The following SOX5 variants were observed in gnomAD, a reference collection of about 807,000 sequenced individuals.
The protein encoded by SOX5 is SRY-box transcription factor 5, also known as transcription factor SOX-5.
A neutral mutation model predicts 92.0 loss-of-function variants in SOX5; 9 were observed. The ratio of observed to expected loss-of-function variants is 0.10; its 90% CI spans 0.06 to 0.17. The LOEUF (loss-of-function observed/expected upper bound fraction) is 0.17. SOX5 is among the 10% of genes least tolerant of loss of function. SOX5 has a pLI of 1.00. For missense variants in SOX5, 642 were observed against 944.5 expected, an observed-to-expected ratio of 0.68 and a Z score of 4.20; for synonymous variants, 344 against 336.3, an observed-to-expected ratio of 1.02 and a Z score of -0.25.
At chr12:24,222,567 C>T (rs1960736068) in intron 3 of SOX5, among the ~76,000 whole-genome samples, 1 of 152,070 alleles carries the variant, frequency 6.6e-6, no homozygotes, top group African/African-American at 2.4e-5. Flanking sequence ...TTCATCAAGG[C>T]ACGTTACAAA....
At chr12:24,353,394 C>T (rs1360957290) in intron 2 of SOX5, among the ~76,000 whole-genome samples, 1 of 152,080 alleles carries the variant, frequency 6.6e-6, no homozygotes, top group African/African-American at 2.4e-5. Context: ...ACACTTTTTT[C>T]AAGAGTGAAG....
chr12:23,577,144 T>TAC (rs1949246393), intron 9 of SOX5, among the ~76,000 whole-genome samples: 1 of 114,748 alleles, frequency 8.7e-6, no homozygotes, highest in Non-Finnish European at 1.8e-5. Context: ...AGTTTATATA[T>TAC]ATATATACAC....
chr12:23,626,225 T>C (rs747410604), intron 8 of SOX5, among the ~76,000 whole-genome samples: 3 of 152,132 alleles, frequency 2.0e-5, no homozygotes, highest in African/African-American at 4.8e-5. Context: ...GTATATGGTG[T>C]CCATCTAGTT....
intron 1 of SOX5, among the ~76,000 whole-genome samples, chr12:23,946,048 G>T (rs572476007): frequency 5.3e-5 from 8 of 152,170 alleles, no homozygotes; most frequent in African/African-American, 1.9e-4. Flanking sequence ...ACACTGAAAA[G>T]TGTCCTAATA....
intron 4 of SOX5, among the ~76,000 whole-genome samples, chr12:24,071,856 C>T (rs554259659): frequency 3.4e-4 from 51 of 152,102 alleles, no homozygotes; most frequent in Non-Finnish European, 6.5e-4. Flanking sequence ...TTTGAAAATG[C>T]TAGGCAAAGT....
At chr12:24,341,836 G>A (rs1278295677) in intron 2 of SOX5, among the ~76,000 whole-genome samples, 1 of 152,090 alleles carries the variant, frequency 6.6e-6, no homozygotes, top group African/African-American at 2.4e-5. Flanking sequence ...TACCACCTCT[G>A]GTCCAGTGCC....
At chr12:24,472,526 T>C (rs2137656230) in intron 1 of SOX5, among the ~76,000 whole-genome samples, 1 of 152,344 alleles carries the variant, frequency 6.6e-6, no homozygotes, top group Non-Finnish European at 1.5e-5. Context: ...ACTTCAATTT[T>C]GTGAACAAAG....
chr12:23,919,187 A>C (rs1392343616), intron 1 of SOX5, among the ~76,000 whole-genome samples: 1 of 152,186 alleles, frequency 6.6e-6, no homozygotes, highest in Non-Finnish European at 1.5e-5. Flanking sequence ...CATGTGCCCC[A>C]ACTAGAATGG....
intron 4 of SOX5, among the ~76,000 whole-genome samples, chr12:24,069,836 T>C (rs1941480863): frequency 6.6e-6 from 1 of 152,188 alleles, no homozygotes; most frequent in Non-Finnish European, 1.5e-5. Context: ...ACACTGTGAT[T>C]GCAATTTAGA....
chr12:23,600,552 T>TATATAC lies in SOX5; in HGVS notation c.1164+3834_1164+3835insGTATAT, dbSNP rs745640453. Among the ~76,000 whole-genome samples the TATATAC allele has an allele frequency of 3.5e-3, 330 of 95,106 alleles. 4 individuals carry two copies. The highest frequency in any genetic ancestry group is 7.2e-3 in the South Asian group (20 of 2,774). The allele number at this position is 95,106 out of a possible 152,430, so 62.4% of individuals were successfully genotyped here. ...ATATATATATATATATATATATATA[T>TATATAC]ACACATACTTGGCTTGGGACTAAAA... is the stretch of plus-strand genomic sequence containing the variant. On this transcript the variant is annotated intron_variant, in intron 9 of 14. Coordinates refer to ENST00000451604, the MANE Select transcript of SOX5 (RefSeq NM_006940.6).
At chr12:23,931,627 G>A (rs1229005988) in intron 1 of SOX5, among the ~76,000 whole-genome samples, 1 of 151,652 alleles carries the variant, frequency 6.6e-6, no homozygotes, top group East Asian at 1.9e-4. Context: ...GCCTGTACTT[G>A]CTTCTAATTT....
At chr12:24,086,485 G>A (rs1454178394) in intron 4 of SOX5, among the ~76,000 whole-genome samples, 1 of 151,660 alleles carries the variant, frequency 6.6e-6, no homozygotes, top group African/African-American at 2.4e-5. Flanking sequence ...AAATAATGAG[G>A]GGCAGGGGGA....
intron 1 of SOX5, among the ~76,000 whole-genome samples, chr12:24,544,272 A>G (rs1952409568): frequency 6.6e-6 from 1 of 152,238 alleles, no homozygotes. Context: ...GTGCTTATAA[A>G]TATTTAAAAT....
chr12:24,355,339 G>A (rs910666572), intron 2 of SOX5, among the ~76,000 whole-genome samples: 4 of 110,554 alleles, frequency 3.6e-5, no homozygotes, highest in South Asian at 3.1e-4. Flanking sequence ...ATGGAGTCTC[G>A]CTCTGTCACC....
intron 2 of SOX5, among the ~76,000 whole-genome samples, chr12:23,852,394 A>G (rs1050203000): frequency 6.6e-6 from 1 of 152,162 alleles, no homozygotes; most frequent in Non-Finnish European, 1.5e-5. Context: ...AAATGGCCCC[A>G]TTATACTTCA....
intron 1 of SOX5, among the ~76,000 whole-genome samples, chr12:24,374,928 C>A (rs963867275): frequency 6.6e-6 from 1 of 152,130 alleles, no homozygotes; most frequent in African/African-American, 2.4e-5. Context: ...GTTCTCAGGG[C>A]CCTGTGGGTG....
intron 1 of SOX5, among the ~76,000 whole-genome samples, chr12:24,452,370 C>T (rs1385285299): frequency 1.3e-5 from 2 of 152,110 alleles, no homozygotes; most frequent in South Asian, 4.2e-4. Flanking sequence ...CTCCTTCCTC[C>T]ACTTCATCAC....
chr12:24,268,882 T>A (rs1943346892), intron 3 of SOX5, among the ~76,000 whole-genome samples: 1 of 152,178 alleles, frequency 6.6e-6, no homozygotes, highest in Admixed American at 6.5e-5. Flanking sequence ...TTCAGTCATA[T>A]TCAGTATTTT....
chr12:24,362,432 C>T (rs370155408), intron 2 of SOX5, among the ~76,000 whole-genome samples: 5 of 152,098 alleles, frequency 3.3e-5, no homozygotes, highest in East Asian at 3.8e-4. Context: ...TTTCAGTCAC[C>T]GTAACAGCCT....
Sources: gnomAD v4.1 joint callset for allele counts (sites outside exome capture counted in the v4.1 genomes callset) on GRCh38, gnomAD v4.1.1 for gene constraint, MANE v1.5 for transcripts, NCBI Gene and HGNC (gene_info 2026-07-23, HGNC 2026-07-21) for gene names.